AKTIP: variants seen among roughly 807,000 people sequenced by gnomAD.
The protein encoded by AKTIP is AKT-interacting protein.
AKTIP carries 16 observed loss-of-function variants against 39.1 expected under a neutral mutation model. That is an observed-to-expected ratio of 0.41 (90% CI 0.28 to 0.62). The LOEUF is 0.62. AKTIP is among the 20% of genes least tolerant of loss of function. The pLI is 0.32. For missense variants in AKTIP, 262 were observed against 356.6 expected, an observed-to-expected ratio of 0.73 and a Z score of 2.14; for synonymous variants, 93 against 124.3, an observed-to-expected ratio of 0.75 and a Z score of 1.67.
At chr16:53,494,676 GA>G in intron 5 of AKTIP, 71 bp from the exon 6 acceptor site, 1 of 1,428,774 alleles carries the variant, frequency 7.0e-7, no homozygotes, top group Non-Finnish European at 9.7e-7. Flanking sequence ...TAGGAATCGT[GA>G]TAAAAAGAGC....
intron 8 of AKTIP, chr16:53,493,926 C>T (rs944093996): frequency 3.8e-6 from 2 of 525,216 alleles, no homozygotes; most frequent in African/African-American, 3.8e-5. Flanking sequence ...AGAGAATGTG[C>T]TGTCGGCACA....
chr16:53,503,268 T>TGCCCCACCCCACCCCGCCCC (rs1555573837), upstream of AKTIP: 1 of 39,986 alleles, frequency 2.5e-5, no homozygotes, highest in Non-Finnish European at 5.5e-5. Flanking sequence ...CGCCCTGCCC[T>TGCCCCACCCCACCCCGCCCC]GCCCTGCCCT....
At chr16:53,501,380 T>C (rs1962161560) in intron 1 of AKTIP, 1 of 152,206 alleles carries the variant, frequency 6.6e-6, no homozygotes, top group Admixed American at 6.5e-5. Context: ...CTTCAAGTCG[T>C]GGATAAGAAA....
In AKTIP at chr16:53,491,786, G is replaced by GT. The variant is rs1280343069; in HGVS notation, c.*625dup. On this transcript the variant is annotated 3_prime_UTR_variant, in exon 10 of 10. Coordinates refer to ENST00000394657, the MANE Select transcript of AKTIP (RefSeq NM_022476.4). ...ATACCGGACTTCATTAGAAACCGTT[G>GT]TAACACTTTTTCTCCCTCCTGCCAT... 1 of 152,348 alleles carries GT rather than the reference G, an allele frequency of 6.6e-6. No homozygotes were observed. Among genetic ancestry groups the GT allele is most frequent in the Non-Finnish European group, 1.5e-5 (1 of 68,006 alleles). 9.4% of individuals were successfully genotyped at this position (152,348 alleles called of 1,614,324 possible). A position where few individuals can be genotyped will look rare whatever the true frequency, so the allele number is the denominator to read the frequency against.
chr16:53,494,737 G>C (rs1035611437), intron 5 of AKTIP, 132 bp from the exon 6 acceptor site: 1 of 891,968 alleles, frequency 1.1e-6, no homozygotes, highest in African/African-American at 1.7e-5. Flanking sequence ...TGCCTCAAGA[G>C]GGCTACTTAA....
intron 1 of AKTIP, among the ~76,000 whole-genome samples, chr16:53,502,334 C>T (rs2150875420): frequency 6.6e-6 from 1 of 152,334 alleles, no homozygotes; most frequent in East Asian, 1.9e-4. Context: ...AGACATGTTA[C>T]ATCCTTGTCA....
chr16:53,503,313 A>C (rs1473793266), upstream of AKTIP: 1 of 139,132 alleles, frequency 7.2e-6, no homozygotes, highest in African/African-American at 2.7e-5. Context: ...CTGCTGCACG[A>C]TCCTGGGGCC....
chr16:53,498,104 CAG>C (rs1162769758), intron 3 of AKTIP, among the ~76,000 whole-genome samples: 1 of 152,244 alleles, frequency 6.6e-6, no homozygotes, highest in Non-Finnish European at 1.5e-5. Flanking sequence ...CTCTCCAAAA[CAG>C]ACATGGAAAT....
In AKTIP at chr16:53,494,493, A is replaced by G. The variant is rs563532227; in HGVS notation, c.503+24T>C. Reference sequence around the variant, plus strand: ...CGTCCTCTTGCTGTATTATGTCACTAAAAGAAACACTTTATTTACTTACCT... The same window carrying G: ...CGTCCTCTTGCTGTATTATGTCACTGAAAGAAACACTTTATTTACTTACCT... On this transcript the variant is annotated intron_variant, in intron 6 of 9. Transcript: ENST00000394657. 5.0e-6 allele frequency: 8 copies of G among 1,613,850 alleles called. No individual in the cohort carries two copies. The African/African-American group carries it at 1.1e-4, about 22-fold the overall frequency.
In AKTIP at chr16:53,494,737, G is replaced by T. The variant is rs1035611437; in HGVS notation, c.415-132C>A. On this transcript the variant is annotated intron_variant, in intron 5 of 9. Transcript: ENST00000394657. ...TTAAAGCTAAAGAGCTGCCTCAAGA[G>T]GGCTACTTAACTACTTTTACCATTT... 1.7e-4 allele frequency: 148 copies of T among 892,086 alleles called. 1 individual carries two copies. The South Asian group carries it at 2.2e-3, about 13-fold the overall frequency. 55.3% of individuals were successfully genotyped at this position (892,086 alleles called of 1,614,324 possible).
intron 2 of AKTIP, among the ~76,000 whole-genome samples, chr16:53,499,841 AAAATT>A (rs1270613192): frequency 6.6e-6 from 1 of 152,188 alleles, no homozygotes; most frequent in East Asian, 1.9e-4. Context: ...TTTATTTAGA[AAAATT>A]AAATTAGTGC....
chr16:53,503,700 C>T (rs1245543698), upstream of AKTIP, among the ~76,000 whole-genome samples: 1 of 152,222 alleles, frequency 6.6e-6, no homozygotes, highest in East Asian at 1.9e-4. Flanking sequence ...CCGGGCCGCG[C>T]GACTGCCCAG....
intron 1 of AKTIP, among the ~76,000 whole-genome samples, chr16:53,500,828 G>C (rs902460690): frequency 6.6e-6 from 1 of 152,092 alleles, no homozygotes; most frequent in Admixed American, 6.5e-5. Flanking sequence ...TCCTTTTCTG[G>C]TTCTAATTTC....
chr16:53,503,917 G>A (rs2150880710), upstream of AKTIP, among the ~76,000 whole-genome samples: 1 of 152,182 alleles, frequency 6.6e-6, no homozygotes, highest in African/African-American at 2.4e-5. Flanking sequence ...AGCCAGAGGA[G>A]CTTTGTAAAT....
rs1219769146 is a variant in AKTIP at position 53,502,460 on chromosome 16, A to C, written c.-71+687T>G. Among the ~76,000 whole-genome samples, 4 of 152,336 alleles carry C rather than the reference A, an allele frequency of 2.6e-5. No homozygotes were observed. The East Asian group carries it at 5.8e-4, about 22-fold the overall frequency. ...CGAATGACAGTGCGTGGCAGAGCTA[A>C]AACTAGGCTAAAACATGAGTGCTGC... On this transcript the variant is annotated intron_variant, in intron 1 of 9. Coordinates refer to ENST00000394657, the MANE Select transcript of AKTIP (RefSeq NM_022476.4).
intron 1 of AKTIP, chr16:53,502,581 AG>A (rs1384385264): frequency 6.6e-6 from 1 of 152,292 alleles, no homozygotes; most frequent in East Asian, 1.9e-4. Flanking sequence ...AGAAAAAAAA[AG>A]ATGAAAACGG....
chr16:53,497,854 A>G (rs147587519), intron 3 of AKTIP, among the ~76,000 whole-genome samples: 1,542 of 152,304 alleles, frequency 0.01, 21 homozygotes, highest in Middle Eastern at 0.037. Context: ...ACTTCAAGCA[A>G]TTCTCTGCCT....
chr16:53,502,730 T>G (rs1962246823), intron 1 of AKTIP: 1 of 152,218 alleles, frequency 6.6e-6, no homozygotes, highest in Non-Finnish European at 1.5e-5. Context: ...GCGGGGGCCC[T>G]GTCCTGGCCT....
At chr16:53,502,403 C>T (rs1379281895) in intron 1 of AKTIP, among the ~76,000 whole-genome samples, 1 of 152,214 alleles carries the variant, frequency 6.6e-6, no homozygotes, top group Non-Finnish European at 1.5e-5. Context: ...CTTTACATCA[C>T]CCAGCTGAGA....
Sources: gnomAD v4.1 joint callset for allele counts (sites outside exome capture counted in the v4.1 genomes callset) on GRCh38, gnomAD v4.1.1 for gene constraint, MANE v1.5 for transcripts, NCBI Gene and HGNC (gene_info 2026-07-23, HGNC 2026-07-21) for gene names.